Variants in XRCC4 observed in about 807,000 individuals in gnomAD.
XRCC4 encodes X-ray repair cross complementing 4, also known as DNA repair protein XRCC4.
Under a neutral mutation model 39.1 loss-of-function variants are expected in XRCC4, and 28 were observed. The ratio of observed to expected loss-of-function variants is 0.72; its 90% confidence interval spans 0.53 to 0.98. XRCC4 has a LOEUF of 0.98. Among genes scored for constraint, XRCC4 ranks in the 50% least tolerant of loss-of-function variants. The probability of loss-of-function intolerance (pLI) is 0.00; values close to 1 mark genes in which losing one functional copy is unlikely to be tolerated. For missense variants in XRCC4, 350 were observed against 376.4 expected, an observed-to-expected ratio of 0.93 and a Z score of 0.58; for synonymous variants, 123 against 126.4, an observed-to-expected ratio of 0.97 and a Z score of 0.18.
intron 6 of XRCC4, among the ~76,000 whole-genome samples, chr5:83,244,991 A>C (rs541855921): frequency 6.6e-6 from 1 of 152,312 alleles, no homozygotes; most frequent in African/African-American, 2.4e-5. Context: ...AAATATGCAT[A>C]TATATTACAA....
At chr5:83,197,284 C>G (rs1001154345) in intron 4 of XRCC4, among the ~76,000 whole-genome samples, 5 of 151,934 alleles carry the variant, frequency 3.3e-5, no homozygotes, top group Non-Finnish European at 7.4e-5. Flanking sequence ...ATTTCTTGGA[C>G]CTGTATCTGT....
chr5:83,295,431 A>G (rs546165988), intron 7 of XRCC4, among the ~76,000 whole-genome samples: 42 of 152,198 alleles, frequency 2.8e-4, no homozygotes, highest in African/African-American at 1.0e-3. Context: ...AAAACTTTAT[A>G]AATAAGCTGA....
chr5:83,335,896 A>G (rs1002092729), intron 7 of XRCC4, among the ~76,000 whole-genome samples: 4 of 152,032 alleles, frequency 2.6e-5, no homozygotes, highest in African/African-American at 9.6e-5. Context: ...AAAAAAGACC[A>G]TTTCTTAAGT....
At chr5:83,298,289 T>C (rs1021597769) in intron 7 of XRCC4, among the ~76,000 whole-genome samples, 1 of 151,774 alleles carries the variant, frequency 6.6e-6, no homozygotes, top group Non-Finnish European at 1.5e-5. Context: ...TTTTTTTCAG[T>C]TGATCAAATT....
chr5:83,293,109 A>G (rs911760538), intron 7 of XRCC4, among the ~76,000 whole-genome samples: 1 of 151,880 alleles, frequency 6.6e-6, no homozygotes, highest in African/African-American at 2.4e-5. Flanking sequence ...GACTAAGCCT[A>G]CCTTCCCATG....
intron 1 of XRCC4, among the ~76,000 whole-genome samples, chr5:83,094,111 T>C (rs1171624798): frequency 2.0e-5 from 3 of 152,194 alleles, no homozygotes; most frequent in Admixed American, 1.3e-4. Context: ...TTGAATTTGG[T>C]TGGAGATCTC....
intron 1 of XRCC4, among the ~76,000 whole-genome samples, chr5:83,090,630 C>T (rs1167691054): frequency 6.6e-6 from 1 of 151,920 alleles, no homozygotes; most frequent in Non-Finnish European, 1.5e-5. Flanking sequence ...TCTGAAAATC[C>T]CAGCCTACTA....
At chr5:83,220,787 A>G (rs1449675091) in intron 6 of XRCC4, among the ~76,000 whole-genome samples, 5 of 152,160 alleles carry the variant, frequency 3.3e-5, no homozygotes, top group Non-Finnish European at 7.3e-5. Context: ...AATAAAAAAG[A>G]TCTTAGGTAC....
intron 3 of XRCC4, among the ~76,000 whole-genome samples, chr5:83,192,319 A>ATATATTTTTTTT: frequency 7.0e-6 from 1 of 143,500 alleles, no homozygotes; most frequent in Non-Finnish European, 1.5e-5. Flanking sequence ...ATATATATAT[A>ATATATTTTTTTT]TTTTTTTGAG....
chr5:83,127,101 T>C (rs1157139673), intron 3 of XRCC4, among the ~76,000 whole-genome samples: 1 of 152,166 alleles, frequency 6.6e-6, no homozygotes, highest in East Asian at 1.9e-4. Flanking sequence ...GACTTTAGAC[T>C]TTTGTGTTGC....
chr5:83,225,220 G>T (rs1206452017), intron 6 of XRCC4, among the ~76,000 whole-genome samples: 3 of 152,064 alleles, frequency 2.0e-5, no homozygotes, highest in Non-Finnish European at 2.9e-5. Flanking sequence ...TGCCTTGTCT[G>T]GTCAGTACCT....
In XRCC4 at chr5:83,204,884, A is replaced by G. The variant is rs1751358808; in HGVS notation, c.708A>G (p.Glu236=). The G allele has an allele frequency of 6.2e-7, 1 of 1,612,478 alleles. No individual in the cohort carries two copies. Among genetic ancestry groups the G allele is most frequent in the East Asian group, 2.2e-5 (1 of 44,784 alleles). The change falls in exon 6 of 8, where the codon GAA becomes GAG. Residue 236 remains glutamate (E), a synonymous_variant. Transcript: ENST00000396027. ...TCTATGATGAGAGTACTGATGAGGA[A>G]AGTGAAAACCAAACTGATCTCTCTG... ...DPVYDESTDE[E]SENQTDLSGL...
At chr5:83,276,818 C>T (rs940522204) in intron 7 of XRCC4, among the ~76,000 whole-genome samples, 13 of 151,244 alleles carry the variant, frequency 8.6e-5, no homozygotes, top group African/African-American at 2.9e-4. Flanking sequence ...ATGACAGAAT[C>T]TTGTTATAAT....
At chr5:83,270,400 T>C (rs1248105722) in intron 7 of XRCC4, among the ~76,000 whole-genome samples, 1 of 152,188 alleles carries the variant, frequency 6.6e-6, no homozygotes, top group African/African-American at 2.4e-5. Context: ...TTTGTCAGTC[T>C]CATACTTCAT....
At chr5:83,330,146 T>G (rs1335908142) in intron 7 of XRCC4, among the ~76,000 whole-genome samples, 1 of 152,044 alleles carries the variant, frequency 6.6e-6, no homozygotes, top group East Asian at 1.9e-4. Context: ...TTTTAATCAT[T>G]TTGGCAAATA....
At chr5:83,238,770 C>G (rs867118510) in intron 6 of XRCC4, among the ~76,000 whole-genome samples, 1 of 151,650 alleles carries the variant, frequency 6.6e-6, no homozygotes, top group Non-Finnish European at 1.5e-5. Flanking sequence ...AAATGGCCTT[C>G]GGGTTTATCA....
chr5:83,276,861 G>C lies in XRCC4; in HGVS notation c.893+18184G>C, dbSNP rs188174891. 1.2e-4 allele frequency among the ~76,000 whole-genome samples: 18 copies of C among 151,446 alleles called. No homozygotes were observed. The East Asian group carries it at 3.3e-3, about 28-fold the overall frequency. On this transcript the variant is annotated intron_variant, in intron 7 of 7. Coordinates refer to ENST00000396027, the MANE Select transcript of XRCC4 (RefSeq NM_003401.5). ...TTATGACAGAATCTTGTTATAATTT[G>C]TTGCTTATAACAGAATCTTGTTATA... is the stretch of plus-strand genomic sequence containing the variant.
At chr5:83,223,894 T>A (rs1433925837) in intron 6 of XRCC4, among the ~76,000 whole-genome samples, 1 of 137,578 alleles carries the variant, frequency 7.3e-6, no homozygotes, top group East Asian at 2.2e-4. Flanking sequence ...CTTGTGATAG[T>A]TTGCTGAGAA....
At chr5:83,115,766 A>G (rs749318280) in intron 3 of XRCC4, among the ~76,000 whole-genome samples, 1 of 152,250 alleles carries the variant, frequency 6.6e-6, no homozygotes, top group East Asian at 1.9e-4. Context: ...CAGCAATGCA[A>G]AAAGTGTGCT....
Sources: gnomAD v4.1 joint callset for allele counts (sites outside exome capture counted in the v4.1 genomes callset) on GRCh38, gnomAD v4.1.1 for gene constraint, MANE v1.5 for transcripts, NCBI Gene and HGNC (gene_info 2026-07-23, HGNC 2026-07-21) for gene names.